CYSTM1: variants seen among roughly 807,000 people sequenced by gnomAD.
CYSTM1 encodes the protein cysteine-rich transmembrane module-containing protein 1.
A neutral mutation model predicts 13.1 loss-of-function variants in CYSTM1; 4 were observed. The observed-to-expected ratio is 0.31, with a 90% CI of 0.15 to 0.70. CYSTM1 has a LOEUF of 0.70. CYSTM1 is among the 30% of genes least tolerant of loss of function. CYSTM1 has a pLI of 0.72. For missense variants in CYSTM1, 96 were observed against 121.6 expected (o/e 0.79, Z 0.99); for synonymous variants, 36 against 42.7 (o/e 0.84, Z 0.62).
intron 1 of CYSTM1, among the ~76,000 whole-genome samples, chr5:140,193,867 G>A (rs1255589887): frequency 6.6e-6 from 1 of 152,186 alleles, no homozygotes; most frequent in East Asian, 1.9e-4. Flanking sequence ...TCAGAGCAGC[G>A]GGTCTGGGGA....
chr5:140,243,279 C>T (rs750175781), intron 2 of CYSTM1, 26 bp from the exon 3 acceptor site: 8 of 1,603,746 alleles, frequency 5.0e-6, no homozygotes, highest in Non-Finnish European at 6.8e-6. Flanking sequence ...AGTCCATTCT[C>T]ACCCTCTTCC....
At chr5:140,187,515 T>C (rs1385778505) in intron 1 of CYSTM1, among the ~76,000 whole-genome samples, 2 of 152,020 alleles carry the variant, frequency 1.3e-5, no homozygotes, top group African/African-American at 2.4e-5. Flanking sequence ...TACAGATGTA[T>C]GCCACCACAC....
intron 1 of CYSTM1, among the ~76,000 whole-genome samples, chr5:140,181,028 A>G (rs1763954938): frequency 6.6e-6 from 1 of 152,226 alleles, no homozygotes; most frequent in Non-Finnish European, 1.5e-5. Context: ...TATTCAGAGA[A>G]AAGTAGGGAT....
chr5:140,200,919 A>G (rs1369158350), intron 2 of CYSTM1: 1 of 152,180 alleles, frequency 6.6e-6, no homozygotes, highest in African/African-American at 2.4e-5. Context: ...CATTTTGTAT[A>G]AATGGAACCA....
intron 1 of CYSTM1, among the ~76,000 whole-genome samples, chr5:140,180,139 G>A (rs1404652138): frequency 6.6e-6 from 1 of 152,110 alleles, no homozygotes; most frequent in Non-Finnish European, 1.5e-5. Flanking sequence ...TTATTAAGCT[G>A]GTCAGAGACA....
chr5:140,200,577 T>C (rs1172416246), intron 2 of CYSTM1: 1 of 147,620 alleles, frequency 6.8e-6, no homozygotes, highest in Non-Finnish European at 1.5e-5. Context: ...TTTTTTTTTT[T>C]TGAGGCAGAG....
chr5:140,211,749 C>T (rs1401254837), intron 2 of CYSTM1, among the ~76,000 whole-genome samples: 1 of 152,196 alleles, frequency 6.6e-6, no homozygotes, highest in Admixed American at 6.6e-5. Context: ...GAATTCAAGA[C>T]CAGCCTGGCC....
chr5:140,212,983 G>GTGTGTATATATATATATATATATA (rs1405430820), intron 2 of CYSTM1, among the ~76,000 whole-genome samples: 2 of 114,294 alleles, frequency 1.7e-5, no homozygotes, highest in Admixed American at 9.3e-5. Context: ...CAAAACAAAA[G>GTGTGTATATATATATATATATATA]TATATATATA....
chr5:140,207,305 A>G (rs922436117), intron 2 of CYSTM1, among the ~76,000 whole-genome samples: 3 of 152,134 alleles, frequency 2.0e-5, no homozygotes, highest in African/African-American at 7.2e-5. Context: ...GAGCTCAAAC[A>G]TCAGCTATCT....
chr5:140,226,721 G>A (rs1419916462), intron 2 of CYSTM1, among the ~76,000 whole-genome samples: 3 of 143,710 alleles, frequency 2.1e-5, no homozygotes, highest in Admixed American at 7.2e-5. Flanking sequence ...AGCCGAGATC[G>A]CACCCTTGTA....
intron 2 of CYSTM1, among the ~76,000 whole-genome samples, chr5:140,213,402 T>A (rs1764393979): frequency 6.6e-6 from 1 of 152,156 alleles, no homozygotes; most frequent in Non-Finnish European, 1.5e-5. Flanking sequence ...AAGTTTAAAA[T>A]TTTTTTCAAA....
intron 1 of CYSTM1, among the ~76,000 whole-genome samples, chr5:140,193,760 A>C (rs1456019300): frequency 1.3e-5 from 2 of 152,224 alleles, no homozygotes; most frequent in Non-Finnish European, 2.9e-5. Flanking sequence ...TCCTGTAAAC[A>C]CAAATAAATG....
chr5:140,190,600 C>T (rs1399999888), intron 1 of CYSTM1, among the ~76,000 whole-genome samples: 1 of 150,962 alleles, frequency 6.6e-6, no homozygotes, highest in Non-Finnish European at 1.5e-5. Context: ...TTAAAAAAAA[C>T]AACATTGAAA....
At chr5:140,202,228 G>A (rs1402855817) in intron 2 of CYSTM1, 3 of 152,240 alleles carry the variant, frequency 2.0e-5, no homozygotes, top group South Asian at 2.1e-4. Flanking sequence ...GAGTCACTGC[G>A]CCTGGCCTGC....
chr5:140,207,235 C>A (rs538948590), intron 2 of CYSTM1, among the ~76,000 whole-genome samples: 383 of 152,282 alleles, frequency 2.5e-3, no homozygotes, highest in Non-Finnish European at 4.5e-3. Context: ...TCTTCTCTGG[C>A]CCCTCAACTA....
chr5:140,212,571 A>G (rs572686782), intron 2 of CYSTM1, among the ~76,000 whole-genome samples: 1 of 152,260 alleles, frequency 6.6e-6, no homozygotes, highest in South Asian at 2.1e-4. Flanking sequence ...CCTCCCAAGT[A>G]GCTAGGACTA....
At chr5:140,231,933 G>T (rs1764622506) in intron 2 of CYSTM1, among the ~76,000 whole-genome samples, 1 of 152,226 alleles carries the variant, frequency 6.6e-6, no homozygotes, top group South Asian at 2.1e-4. Flanking sequence ...TATCACATTT[G>T]CATTTTTAAG....
At chr5:140,199,130 A>G (rs1764188116) in intron 2 of CYSTM1, among the ~76,000 whole-genome samples, 1 of 152,238 alleles carries the variant, frequency 6.6e-6, no homozygotes, top group Non-Finnish European at 1.5e-5. Flanking sequence ...TGCAAAGGAC[A>G]TGAACTCATC....
intron 2 of CYSTM1, among the ~76,000 whole-genome samples, chr5:140,236,613 A>G (rs1755068925): frequency 6.6e-6 from 1 of 152,152 alleles, no homozygotes. Context: ...TTCTCATTAC[A>G]ACATTTTCCT....
Sources: allele counts gnomAD v4.1 joint callset (sites outside exome capture counted in the v4.1 genomes callset), GRCh38; gene constraint gnomAD v4.1.1; transcripts MANE v1.5; gene names NCBI Gene and HGNC (gene_info 2026-07-23, HGNC 2026-07-21).